The following TBC1D5 variants were observed in gnomAD, a reference collection of about 807,000 sequenced individuals.
TBC1D5 encodes the protein TBC1 domain family member 5.
In TBC1D5, 75 loss-of-function variants were observed where a neutral mutation model predicts 100.3. That is an observed-to-expected ratio of 0.75 (90% confidence interval 0.62 to 0.91). The LOEUF (loss-of-function observed/expected upper bound fraction) is 0.91, where lower values mean the gene tolerates loss of function less well. Ranked by LOEUF, TBC1D5 falls within the 40% of genes least tolerant of loss-of-function variation. The probability of loss-of-function intolerance (pLI) is 0.00; values close to 1 mark genes in which losing one functional copy is unlikely to be tolerated. For synonymous variants in TBC1D5, 323 were observed against 325.6 expected (o/e 0.99, Z 0.09); for missense variants, 910 against 942.4 (o/e 0.97, Z 0.45).
intron 18 of TBC1D5, among the ~76,000 whole-genome samples, chr3:17,200,487 T>C (rs2125793719): frequency 6.6e-6 from 1 of 152,316 alleles, no homozygotes; most frequent in African/African-American, 2.4e-5. Context: ...GTGTGCTCCT[T>C]ATGAGAATCT....
intron 1 of TBC1D5, among the ~76,000 whole-genome samples, chr3:17,642,025 A>AG (rs1221440752): frequency 4.6e-5 from 7 of 152,294 alleles, no homozygotes; most frequent in Non-Finnish European, 7.4e-5. Flanking sequence ...TTAATTATTG[A>AG]GTAAGACCTA....
chr3:17,188,523 G>A (rs79340456), intron 18 of TBC1D5, among the ~76,000 whole-genome samples: 2 of 152,194 alleles, frequency 1.3e-5, no homozygotes, highest in Non-Finnish European at 2.9e-5. Flanking sequence ...CAAGAACCTC[G>A]TCCATAGTCT....
chr3:17,184,019 A>C (rs2068736557), intron 19 of TBC1D5, among the ~76,000 whole-genome samples: 1 of 152,234 alleles, frequency 6.6e-6, no homozygotes. Context: ...ATAAGTTACC[A>C]ATCTTAGACA....
intron 1 of TBC1D5, among the ~76,000 whole-genome samples, chr3:17,635,434 A>C (rs138954735): frequency 7.6e-4 from 115 of 152,290 alleles, no homozygotes; most frequent in African/African-American, 2.7e-3. Flanking sequence ...TAATCCCACC[A>C]CTTTGGGAGG....
At chr3:17,739,021 T>C (rs1309096175) in intron 1 of TBC1D5, among the ~76,000 whole-genome samples, 1 of 152,188 alleles carries the variant, frequency 6.6e-6, no homozygotes, top group Non-Finnish European at 1.5e-5. Context: ...ACCATTATTC[T>C]AGTAATAATT....
At chr3:17,264,039 T>C (rs1216295371) in intron 15 of TBC1D5, among the ~76,000 whole-genome samples, 1 of 152,152 alleles carries the variant, frequency 6.6e-6, no homozygotes, top group African/African-American at 2.4e-5. Flanking sequence ...CAACTCCCCT[T>C]GGCCATACTC....
chr3:17,710,392 C>G (rs369578467), intron 1 of TBC1D5, among the ~76,000 whole-genome samples: 7 of 151,814 alleles, frequency 4.6e-5, no homozygotes, highest in Admixed American at 4.6e-4. Context: ...TGGTGAAACC[C>G]CATGTCTACT....
At chr3:17,503,608 T>C (rs2095810260) in intron 3 of TBC1D5, among the ~76,000 whole-genome samples, 1 of 149,762 alleles carries the variant, frequency 6.7e-6, no homozygotes, top group Non-Finnish European at 1.5e-5. Context: ...GGTTCTATCA[T>C]ATTTCATACA....
intron 2 of TBC1D5, among the ~76,000 whole-genome samples, chr3:17,572,410 C>T (rs1481383252): frequency 3.3e-5 from 5 of 151,820 alleles, no homozygotes; most frequent in African/African-American, 9.7e-5. Context: ...ACCACTTTAA[C>T]TTACTTTCTC....
intron 17 of TBC1D5, among the ~76,000 whole-genome samples, chr3:17,232,630 A>G (rs2075515750): frequency 6.6e-6 from 1 of 152,160 alleles, no homozygotes; most frequent in South Asian, 2.1e-4. Context: ...ATACCTCCAG[A>G]AACTATACCT....
intron 3 of TBC1D5, among the ~76,000 whole-genome samples, chr3:17,449,729 C>T (rs536022894): frequency 7.2e-5 from 11 of 152,296 alleles, no homozygotes; most frequent in Middle Eastern, 3.4e-3. Flanking sequence ...GCAGGAGCCC[C>T]AGTTAGGGGC....
chr3:17,515,003 C>CA (rs1361638212), intron 2 of TBC1D5, among the ~76,000 whole-genome samples: 1 of 151,506 alleles, frequency 6.6e-6, no homozygotes, highest in Non-Finnish European at 1.5e-5. Flanking sequence ...TTAAATGATT[C>CA]AACCTGGTTT....
chr3:17,286,329 G>A (rs2081186480), intron 15 of TBC1D5, among the ~76,000 whole-genome samples: 1 of 152,148 alleles, frequency 6.6e-6, no homozygotes, highest in East Asian at 1.9e-4. Context: ...AGAACATCTG[G>A]TTATTTAAGG....
chr3:17,272,283 T>A (rs1366956016), intron 15 of TBC1D5, among the ~76,000 whole-genome samples: 1 of 152,058 alleles, frequency 6.6e-6, no homozygotes, highest in Non-Finnish European at 1.5e-5. Flanking sequence ...TTTTTAAAAA[T>A]CAACAAATGA....
chr3:17,733,032 A>T (rs560732914), intron 1 of TBC1D5, among the ~76,000 whole-genome samples: 1 of 152,352 alleles, frequency 6.6e-6, no homozygotes, highest in East Asian at 1.9e-4. Flanking sequence ...GGAGGTAAGG[A>T]GCAATTTTCT....
chr3:17,272,854 T>C (rs2079570312), intron 15 of TBC1D5, among the ~76,000 whole-genome samples: 1 of 152,094 alleles, frequency 6.6e-6, no homozygotes, highest in Admixed American at 6.5e-5. Flanking sequence ...AAACTGAACA[T>C]ATTACTTTAA....
intron 1 of TBC1D5, among the ~76,000 whole-genome samples, chr3:17,738,765 A>G (rs1337902386): frequency 6.6e-6 from 1 of 152,196 alleles, no homozygotes; most frequent in Non-Finnish European, 1.5e-5. Context: ...TTTCAACTCT[A>G]TCCTAATATT....
chr3:17,257,831 C>T (rs1235187523), intron 16 of TBC1D5, among the ~76,000 whole-genome samples: 1 of 152,146 alleles, frequency 6.6e-6, no homozygotes, highest in Non-Finnish European at 1.5e-5. Context: ...AAAATTCGGA[C>T]AACTTGGCAG....
chr3:17,239,573 C>T (rs1370537665), intron 16 of TBC1D5, among the ~76,000 whole-genome samples: 1 of 152,172 alleles, frequency 6.6e-6, no homozygotes, highest in Non-Finnish European at 1.5e-5. Flanking sequence ...TTTGCCATTG[C>T]CCTAAAGCTA....
Sources: allele counts gnomAD v4.1 joint callset (sites outside exome capture counted in the v4.1 genomes callset), GRCh38; gene constraint gnomAD v4.1.1; transcripts MANE v1.5; gene names NCBI Gene and HGNC (gene_info 2026-07-23, HGNC 2026-07-21).